The following DEPDC5 variants were observed in gnomAD, a reference collection of about 807,000 sequenced individuals.
DEPDC5 encodes GATOR1 complex protein DEPDC5.
In DEPDC5, 73 loss-of-function variants were observed where a neutral mutation model predicts 217.3. That is an observed-to-expected ratio of 0.34 (90% CI 0.28 to 0.41). DEPDC5 has a LOEUF of 0.41. Among genes scored for constraint, DEPDC5 ranks in the 10% least tolerant of loss-of-function variants. The probability of loss-of-function intolerance (pLI) is 1.00; values close to 1 mark genes in which losing one functional copy is unlikely to be tolerated. For synonymous variants in DEPDC5, 733 were observed against 756.7 expected (o/e 0.97, Z 0.51); for missense variants, 1,675 against 2,070.1 (o/e 0.81, Z 3.70).
rs557270705 is a variant in DEPDC5, at chr22:31,805,594, G to A, written c.1218-528G>A. Among the ~76,000 whole-genome samples the A allele has an allele frequency of 4.6e-5, 7 of 151,830 alleles. 1 individual carries two copies. In the South Asian group the frequency reaches 6.2e-4, roughly 14 times the overall value. ...TGGCTCACTGCAACCTCCACCACCC[G>A]GGTTCAAGTGATTCTCTTGCCTCAG... On this transcript the variant is annotated intron_variant, in intron 17 of 42. Transcript: ENST00000651528.
intron 18 of DEPDC5, among the ~76,000 whole-genome samples, chr22:31,808,347 G>GCCTC (rs2087811349): frequency 6.7e-6 from 1 of 149,766 alleles, no homozygotes; most frequent in Non-Finnish European, 1.5e-5. Context: ...TGTAACCTCT[G>GCCTC]CCTCCAGGGT....
chr22:31,773,031 G>A (rs900242537), intron 7 of DEPDC5, among the ~76,000 whole-genome samples: 5 of 151,978 alleles, frequency 3.3e-5, no homozygotes, highest in Non-Finnish European at 5.9e-5. Flanking sequence ...ATCTGCACAC[G>A]TTGGCCTCCA....
intron 3 of DEPDC5, among the ~76,000 whole-genome samples, chr22:31,759,744 G>T (rs1964851082): frequency 7.0e-6 from 1 of 143,150 alleles, no homozygotes; most frequent in South Asian, 2.2e-4. Context: ...GTGCAGTGGT[G>T]CCACCTCGGC....
intron 10 of DEPDC5, among the ~76,000 whole-genome samples, chr22:31,787,870 ATAT>A (rs1274001236): frequency 1.3e-5 from 2 of 151,866 alleles, no homozygotes; most frequent in Non-Finnish European, 1.5e-5. Flanking sequence ...ATGGGAGAAA[ATAT>A]TATTTGCAAA....
chr22:31,903,799 C>T (rs958119423), intron 41 of DEPDC5, among the ~76,000 whole-genome samples: 17 of 150,610 alleles, frequency 1.1e-4, no homozygotes, highest in Non-Finnish European at 1.8e-4. Context: ...CCAAATGTTT[C>T]CTCTCTGAAT....
At chr22:31,786,170 C>T (rs1205878369) in intron 10 of DEPDC5, among the ~76,000 whole-genome samples, 4 of 151,738 alleles carry the variant, frequency 2.6e-5, no homozygotes, top group Non-Finnish European at 4.4e-5. Flanking sequence ...ACAGGAGAAT[C>T]GCTTGAACCT....
At chr22:31,787,291 C>T (rs927900759) in intron 10 of DEPDC5, among the ~76,000 whole-genome samples, 37 of 151,564 alleles carry the variant, frequency 2.4e-4, no homozygotes, top group African/African-American at 9.0e-4. Flanking sequence ...TGCCATGTTG[C>T]CCAGGCTGGT....
intron 25 of DEPDC5, 160 bp downstream of exon 25, chr22:31,834,140 C>T (rs1430514541): frequency 2.6e-6 from 2 of 773,186 alleles, no homozygotes; most frequent in Admixed American, 3.7e-5. Context: ...ACTCTCTGGA[C>T]TCTGTGATGG....
chr22:31,771,760 C>CACACACAG (rs2083386098), intron 7 of DEPDC5, among the ~76,000 whole-genome samples: 1 of 136,370 alleles, frequency 7.3e-6, no homozygotes, highest in Non-Finnish European at 1.7e-5. Flanking sequence ...CACACACACA[C>CACACACAG]ACACACACAC....
intron 21 of DEPDC5, chr22:31,817,266 T>C (rs5994432): frequency 0.33 from 60,865 of 185,154 alleles, 11,494 homozygotes; most frequent in African/African-American, 0.55. Context: ...CCTGCCACCA[T>C]GCCTGGCTAA....
chr22:31,891,743 A>G lies in DEPDC5; in HGVS notation c.4034-1839A>G, dbSNP rs190759615. ...TTATAGAAACCCTAGGTCTGGGGGT[A>G]CATGTTCTCAGGATCTCTTAAGACT... On this transcript the variant is annotated intron_variant, in intron 38 of 42. Coordinates refer to ENST00000651528, the MANE Select transcript of DEPDC5 (RefSeq NM_001242896.3). Among the ~76,000 whole-genome samples, 5 of 152,342 alleles carry G rather than the reference A, an allele frequency of 3.3e-5. No homozygotes were observed. In the East Asian group the frequency reaches 9.6e-4, roughly 29 times the overall value.
rs575548619 is a variant in DEPDC5 at position 31,805,782 on chromosome 22, A to G, written c.1218-340A>G. ...TTATACTATTTGATATCATGATATT[A>G]GACTGTTTTTGACCTACAAAAGTAG... On this transcript the variant is annotated intron_variant, in intron 17 of 42. Coordinates refer to ENST00000651528, the MANE Select transcript of DEPDC5 (RefSeq NM_001242896.3). Among the ~76,000 whole-genome samples, 9 of 152,298 alleles carry G rather than the reference A, an allele frequency of 5.9e-5. No homozygotes were observed. In the South Asian group the frequency reaches 1.9e-3, roughly 32 times the overall value.
intron 17 of DEPDC5, 183 bp downstream of exon 17, chr22:31,805,098 A>G: frequency 3.9e-6 from 2 of 508,950 alleles, no homozygotes; most frequent in Non-Finnish European, 6.9e-6. Context: ...TCATAGGAAC[A>G]GTCTATGGTG....
chr22:31,823,331 A>G (rs928301062), intron 24 of DEPDC5, among the ~76,000 whole-genome samples: 1 of 151,960 alleles, frequency 6.6e-6, no homozygotes, highest in Non-Finnish European at 1.5e-5. Context: ...GGAGTTCGAG[A>G]CCAGCCTGGC....
chr22:31,892,469 C>T (rs112678479), intron 38 of DEPDC5, among the ~76,000 whole-genome samples: 6,604 of 152,114 alleles, frequency 0.043, 205 homozygotes, highest in Non-Finnish European at 0.05. Flanking sequence ...GGAGCACCGG[C>T]GGTCAGGAGT....
chr22:31,812,908 T>C (rs1448358453), intron 20 of DEPDC5, among the ~76,000 whole-genome samples: 1 of 151,810 alleles, frequency 6.6e-6, no homozygotes, highest in Non-Finnish European at 1.5e-5. Context: ...GCCTGGCTAA[T>C]TTTGTATTTT....
At chr22:31,761,960 T>C (rs1449192092) in intron 4 of DEPDC5, among the ~76,000 whole-genome samples, 3 of 110,420 alleles carry the variant, frequency 2.7e-5, no homozygotes, top group African/African-American at 3.9e-5. Flanking sequence ...AGAGCGAGAC[T>C]CCGGCTCAAA....
chr22:31,899,965 CAA>C (rs2093620606), intron 40 of DEPDC5, among the ~76,000 whole-genome samples: 2 of 152,192 alleles, frequency 1.3e-5, no homozygotes, highest in Admixed American at 1.3e-4. Context: ...GCTGGAGTAA[CAA>C]AGTGGGTTAT....
At chr22:31,787,687 C>T (rs534023099) in intron 10 of DEPDC5, among the ~76,000 whole-genome samples, 1 of 152,032 alleles carries the variant, frequency 6.6e-6, no homozygotes, top group African/African-American at 2.4e-5. Context: ...TGGCAAATGC[C>T]TCTAGTCTCA....
Sources: gnomAD v4.1 joint callset for allele counts (sites outside exome capture counted in the v4.1 genomes callset) on GRCh38, gnomAD v4.1.1 for gene constraint, MANE v1.5 for transcripts, NCBI Gene and HGNC (gene_info 2026-07-23, HGNC 2026-07-21) for gene names.